Variants in GLE1 observed in about 807,000 individuals in gnomAD.
The protein encoded by GLE1 is mRNA export factor GLE1.
Under a neutral mutation model 97.3 loss-of-function variants are expected in GLE1, and 78 were observed. The ratio of observed to expected loss-of-function variants is 0.80; its 90% CI spans 0.67 to 0.97. The LOEUF is 0.97. Ranked by LOEUF, GLE1 falls within the 50% of genes least tolerant of loss-of-function variation. The probability of loss-of-function intolerance (pLI) is 0.00; values close to 1 mark genes in which losing one functional copy is unlikely to be tolerated. For missense variants in GLE1, 753 were observed against 857.5 expected (o/e 0.88, Z 1.52); for synonymous variants, 302 against 313.4 (o/e 0.96, Z 0.39).
chr9:128,520,318 ATGTATATGTG>A (rs1265663361), intron 3 of GLE1, among the ~76,000 whole-genome samples: 2 of 148,448 alleles, frequency 1.3e-5, no homozygotes, highest in East Asian at 2.0e-4. Context: ...ATGTGTATAT[ATGTATATGTG>A]TGTATATGTG....
chr9:128,504,695 G>A (rs1846586052), upstream of GLE1: 3 of 801,312 alleles, frequency 3.7e-6, no homozygotes, highest in Non-Finnish European at 6.6e-6. Flanking sequence ...GGGCGGGGCT[G>A]TGCTGCGCGC....
intron 14 of GLE1, 148 bp from the exon 15 acceptor site, chr9:128,540,127 G>A: frequency 1.4e-6 from 1 of 705,062 alleles, no homozygotes; most frequent in Non-Finnish European, 2.6e-6. Context: ...GAGACAGGAG[G>A]ATCGCTTGAG....
At position 128,525,387 on chromosome 9, in the gene GLE1, G is replaced by T. The variant is rs1004561370; in HGVS notation, c.1093G>T (p.Ala365Ser). ...QGPEAHKEPP[A>S]PSQGPGGKQN... is the part of the protein sequence containing the mutation. The stretch of plus-strand genomic sequence containing the variant: ...ACCAGAGGCCCACAAAGAGCCCCCA[G>T]CTCCCAGCCAGGGCCCAGGAGGGAA... The change falls in exon 7 of 16, where the codon GCT becomes TCT. Residue 365 changes from alanine (A) to serine (S), a missense_variant. Coordinates refer to ENST00000309971, the MANE Select transcript of GLE1 (RefSeq NM_001003722.2). 6.2e-7 allele frequency: 1 copy of T among 1,610,724 alleles called. No individual in the cohort carries two copies. The highest frequency in any genetic ancestry group is 8.5e-7 in the Non-Finnish European group (1 of 1,178,420).
At chr9:128,508,273 A>T (rs1846701768) in intron 1 of GLE1, among the ~76,000 whole-genome samples, 1 of 151,908 alleles carries the variant, frequency 6.6e-6, no homozygotes, top group South Asian at 2.1e-4. Context: ...ATAGTGGCGC[A>T]TGCCTGTACT....
At chr9:128,519,419 G>C (rs1430039069) in intron 3 of GLE1, among the ~76,000 whole-genome samples, 2 of 152,196 alleles carry the variant, frequency 1.3e-5, no homozygotes, top group Non-Finnish European at 2.9e-5. Flanking sequence ...GCGCCTGGGG[G>C]TAGGTCTATA....
At chr9:128,509,629 A>T (rs1437814528) in intron 2 of GLE1, among the ~76,000 whole-genome samples, 1 of 147,624 alleles carries the variant, frequency 6.8e-6, no homozygotes, top group Non-Finnish European at 1.5e-5. Context: ...TCTCTTGCCT[A>T]TTAAACCTCC....
intron 2 of GLE1, among the ~76,000 whole-genome samples, chr9:128,510,216 C>A (rs1846767687): frequency 6.6e-6 from 1 of 151,600 alleles, no homozygotes; most frequent in African/African-American, 2.4e-5. Context: ...CACCACCATA[C>A]TTGGCTATTT....
chr9:128,515,643 A>C lies in GLE1; in HGVS notation c.432+4A>C. ...GGTACACAGAATGAAAGGAACAGTA[A>C]GTGAACCCATGAAGGAAGGCAGCCT... On this transcript the variant is annotated splice_donor_region_variant and intron_variant, in intron 3 of 15. Transcript: ENST00000309971. The C allele has an allele frequency of 6.7e-7, 1 of 1,495,302 alleles. No homozygotes were observed. The highest frequency in any genetic ancestry group is 9.3e-7 in the Non-Finnish European group (1 of 1,072,036). 92.6% of individuals were successfully genotyped at this position (1,495,302 alleles called of 1,614,324 possible). A position where few individuals can be genotyped will look rare whatever the true frequency, so the allele number is the denominator to read the frequency against.
intron 3 of GLE1, among the ~76,000 whole-genome samples, chr9:128,516,917 C>A (rs943589736): frequency 2.0e-5 from 3 of 152,006 alleles, no homozygotes; most frequent in South Asian, 2.1e-4. Context: ...TAAGCCACTG[C>A]GCCCAGCATG....
Position 128,541,416 on chromosome 9 carries a change from T to A in GLE1, c.*246T>A. On this transcript the variant is annotated 3_prime_UTR_variant, in exon 16 of 16. Transcript: ENST00000309971. ...AAATAAATGGAGTTGGCCTTTCTTG[T>A]TTTTTGCAAAAGTGATAAAAGGTCT... 1.9e-6 allele frequency: 1 copy of A among 539,178 alleles called. No individual in the cohort carries two copies. The highest frequency in any genetic ancestry group is 3.3e-6 in the Non-Finnish European group (1 of 299,922). The allele number at this position is 539,178 out of a possible 1,614,324, so 33.4% of individuals were successfully genotyped here. A position where few individuals can be genotyped will look rare whatever the true frequency, so the allele number is the denominator to read the frequency against.
At chr9:128,540,371 T>A (rs1414591122) in intron 15 of GLE1, 33 bp downstream of exon 15, 4 of 1,404,262 alleles carry the variant, frequency 2.8e-6, no homozygotes, top group East Asian at 2.3e-5. Flanking sequence ...TGCCCCACAC[T>A]GTTGTTGGGC....
At chr9:128,514,247 G>T (rs1317031183) in intron 2 of GLE1, among the ~76,000 whole-genome samples, 1 of 150,690 alleles carries the variant, frequency 6.6e-6, no homozygotes, top group Non-Finnish European at 1.5e-5. Context: ...ACTGAGGCAG[G>T]AGGATCAATT....
At chr9:128,513,288 T>A (rs1448498190) in intron 2 of GLE1, among the ~76,000 whole-genome samples, 1 of 152,052 alleles carries the variant, frequency 6.6e-6, no homozygotes, top group Non-Finnish European at 1.5e-5. Context: ...GGGCTTTGCC[T>A]CTCCATTTCT....
chr9:128,505,346 T>A (rs1335803619), intron 1 of GLE1, among the ~76,000 whole-genome samples: 1 of 152,136 alleles, frequency 6.6e-6, no homozygotes, highest in Non-Finnish European at 1.5e-5. Flanking sequence ...AATGGGGGCG[T>A]GGTCACCGTA....
chr9:128,540,201 A>C, intron 14 of GLE1, 74 bp from the exon 15 acceptor site: 1 of 1,012,376 alleles, frequency 9.9e-7, no homozygotes, highest in Non-Finnish European at 1.6e-6. Context: ...AGCCTAGGTG[A>C]CAGAGTGAGA....
At position 128,535,522 on chromosome 9, in the gene GLE1, C is replaced by CAAA. The variant is rs60357152; in HGVS notation, c.1647-819_1647-817dup. On this transcript the variant is annotated intron_variant, in intron 11 of 15. Coordinates refer to ENST00000309971, the MANE Select transcript of GLE1 (RefSeq NM_001003722.2). ...GGGCAACAAGAGTGAAACTCTGTCT[C>CAAA]AAAAAAAAAAAAAAAAGGCCAGGCG... is the stretch of plus-strand genomic sequence containing the variant. 4.3e-3 allele frequency among the ~76,000 whole-genome samples: 512 copies of CAAA among 120,294 alleles called. 9 individuals are homozygous for CAAA. Among genetic ancestry groups the CAAA allele is most frequent in the African/African-American group, 0.016 (479 of 30,768 alleles). 78.9% of individuals were successfully genotyped at this position (120,294 alleles called of 152,430 possible). A position where few individuals can be genotyped will look rare whatever the true frequency, so the allele number is the denominator to read the frequency against.
intron 7 of GLE1, among the ~76,000 whole-genome samples, chr9:128,526,441 C>T (rs973623896): frequency 2.2e-4 from 33 of 152,038 alleles, no homozygotes; most frequent in Non-Finnish European, 3.7e-4. Flanking sequence ...ACTACAACCT[C>T]CGCCTCCCAG....
Position 128,527,532 on chromosome 9 carries a change from C to T in GLE1, c.1312+7C>T, listed in dbSNP as rs1197438491. Reference sequence around the variant, plus strand: ...CAAATCTCTACCATTGCAGGTTGGTCAGAGGGGTTGAGAACATGACCTTTC... The same window carrying T: ...CAAATCTCTACCATTGCAGGTTGGTTAGAGGGGTTGAGAACATGACCTTTC... On this transcript the variant is annotated splice_region_variant and intron_variant, in intron 9 of 15. Coordinates refer to ENST00000309971, the MANE Select transcript of GLE1 (RefSeq NM_001003722.2). 1.3e-6 allele frequency: 2 copies of T among 1,574,732 alleles called. No homozygotes were observed. Among genetic ancestry groups the T allele is most frequent in the African/African-American group, 1.3e-5 (1 of 74,108 alleles).
chr9:128,535,735 C>G (rs985210861), intron 11 of GLE1, among the ~76,000 whole-genome samples: 2 of 151,974 alleles, frequency 1.3e-5, no homozygotes, highest in Non-Finnish European at 2.9e-5. Flanking sequence ...GCAGAAGAAT[C>G]GCTTGAACCC....
Sources: allele counts gnomAD v4.1 joint callset (sites outside exome capture counted in the v4.1 genomes callset), GRCh38; gene constraint gnomAD v4.1.1; transcripts MANE v1.5; gene names NCBI Gene and HGNC (gene_info 2026-07-23, HGNC 2026-07-21).